SLC8A1: variants seen among roughly 807,000 people sequenced by gnomAD.
SLC8A1 encodes the protein sodium/calcium exchanger 1.
SLC8A1 carries 18 observed loss-of-function variants against 68.3 expected under a neutral mutation model. The ratio of observed to expected loss-of-function variants is 0.26; its 90% CI spans 0.18 to 0.39. The LOEUF (loss-of-function observed/expected upper bound fraction) is 0.39, where lower values mean the gene tolerates loss of function less well. SLC8A1 is among the 10% of genes least tolerant of loss of function. The pLI is 1.00. For synonymous variants in SLC8A1, 475 were observed against 415.5 expected, an observed-to-expected ratio of 1.14 and a Z score of -1.74; for missense variants, 985 against 1,156.7, an observed-to-expected ratio of 0.85 and a Z score of 2.15.
intron 2 of SLC8A1, among the ~76,000 whole-genome samples, chr2:40,373,201 A>T (rs1480243746): frequency 6.6e-6 from 1 of 152,150 alleles, no homozygotes; most frequent in African/African-American, 2.4e-5. Context: ...GGCTTACAAA[A>T]GAGTGAATGT....
chr2:40,380,485 T>A (rs1481229270), intron 2 of SLC8A1, among the ~76,000 whole-genome samples: 1 of 147,830 alleles, frequency 6.8e-6, no homozygotes, highest in Non-Finnish European at 1.5e-5. Context: ...TTTTATCTCA[T>A]TTTTTTTTAA....
At chr2:40,168,522 T>C (rs1363368108) in intron 4 of SLC8A1, among the ~76,000 whole-genome samples, 1 of 152,232 alleles carries the variant, frequency 6.6e-6, no homozygotes, top group Non-Finnish European at 1.5e-5. Context: ...GTTATACTGA[T>C]AAATTCACAT....
At chr2:40,168,881 C>T (rs7558787) in intron 4 of SLC8A1, among the ~76,000 whole-genome samples, 67,703 of 152,060 alleles carry the variant, frequency 0.45, 17,727 homozygotes, top group Non-Finnish European at 0.6. Flanking sequence ...TACATAACAT[C>T]ATAGTCTTAA....
intron 1 of SLC8A1, among the ~76,000 whole-genome samples, chr2:40,437,217 C>T (rs1699600971): frequency 6.6e-6 from 1 of 152,088 alleles, no homozygotes; most frequent in African/African-American, 2.4e-5. Context: ...ATTTTCACGA[C>T]AATAAGTTAA....
intron 2 of SLC8A1, among the ~76,000 whole-genome samples, chr2:40,325,861 A>G (rs182846362): frequency 6.6e-6 from 1 of 150,680 alleles, no homozygotes; most frequent in East Asian, 2.0e-4. Context: ...CTGATATTCG[A>G]TATTTCTTTA....
intron 2 of SLC8A1, among the ~76,000 whole-genome samples, chr2:40,227,381 T>A (rs1476628668): frequency 6.6e-6 from 1 of 152,030 alleles, no homozygotes; most frequent in African/African-American, 2.4e-5. Context: ...CTTTATACCC[T>A]AGTCATAGCA....
At chr2:40,403,909 GC>G (rs1296434326) in intron 2 of SLC8A1, among the ~76,000 whole-genome samples, 1 of 152,004 alleles carries the variant, frequency 6.6e-6, no homozygotes, top group Non-Finnish European at 1.5e-5. Flanking sequence ...TAAGTAAAAA[GC>G]TTTTTTTCTG....
intron 7 of SLC8A1, among the ~76,000 whole-genome samples, chr2:40,134,874 A>C (rs1381208285): frequency 6.6e-6 from 1 of 152,144 alleles, no homozygotes; most frequent in African/African-American, 2.4e-5. Context: ...ACATTCAAAA[A>C]TAAGTAAACT....
chr2:40,215,792 A>T (rs925827219), intron 2 of SLC8A1, among the ~76,000 whole-genome samples: 1 of 151,826 alleles, frequency 6.6e-6, no homozygotes, highest in Admixed American at 6.6e-5. Flanking sequence ...TGCTTGGCCT[A>T]TGTTAGCTAC....
intron 6 of SLC8A1, among the ~76,000 whole-genome samples, chr2:40,145,444 C>T (rs923645285): frequency 2.6e-5 from 4 of 152,152 alleles, no homozygotes; most frequent in Admixed American, 1.3e-4. Context: ...GTATGTAAAG[C>T]GGTCTGGAAA....
intron 7 of SLC8A1, 24 bp from the exon 11 acceptor site, chr2:40,115,653 A>G: frequency 6.3e-7 from 1 of 1,588,626 alleles, no homozygotes; most frequent in Non-Finnish European, 8.5e-7. Context: ...AGAGAAAGTC[A>G]ATGACACTCA....
intron 2 of SLC8A1, among the ~76,000 whole-genome samples, chr2:40,332,953 C>A (rs547154750): frequency 6.6e-6 from 1 of 152,184 alleles, no homozygotes; most frequent in Non-Finnish European, 1.5e-5. Context: ...ATTAGCTAGA[C>A]TATTTTCCTT....
rs1486934943 is a variant in SLC8A1 at position 40,333,392 on chromosome 2, C to T, written c.1808+95081G>A. On this transcript the variant is annotated intron_variant, in intron 2 of 7. Coordinates refer to ENST00000406785, the Ensembl canonical transcript of SLC8A1. The stretch of plus-strand genomic sequence containing the variant: ...GGTGGAGGTTGCAGTGGGCCGAGAT[C>T]GCACCACTGCACTCCAGCCTGGGCA... Among the ~76,000 whole-genome samples, 8 of 143,086 alleles carry T rather than the reference C, an allele frequency of 5.6e-5. No homozygotes were observed. The South Asian group carries it at 6.5e-4, about 12-fold the overall frequency. 93.9% of individuals were successfully genotyped at this position (143,086 alleles called of 152,430 possible).
chr2:40,169,855 C>T (rs1055239647), intron 4 of SLC8A1, among the ~76,000 whole-genome samples: 2 of 152,142 alleles, frequency 1.3e-5, no homozygotes, highest in African/African-American at 4.8e-5. Context: ...GTGTGAGGAT[C>T]CCTTGGGCTC....
intron 2 of SLC8A1, among the ~76,000 whole-genome samples, chr2:40,382,332 T>C (rs1559464727): frequency 6.6e-6 from 1 of 152,122 alleles, no homozygotes; most frequent in South Asian, 2.1e-4. Context: ...AGTGAGTACA[T>C]ACACCTAGTA....
chr2:40,303,127 A>T (rs942330482), intron 2 of SLC8A1, among the ~76,000 whole-genome samples: 3 of 152,214 alleles, frequency 2.0e-5, no homozygotes, highest in African/African-American at 7.2e-5. Context: ...CATTTTGGAT[A>T]AGTGATGATT....
At chr2:40,331,106 T>G (rs1432324275) in intron 2 of SLC8A1, among the ~76,000 whole-genome samples, 1 of 152,226 alleles carries the variant, frequency 6.6e-6, no homozygotes, top group Non-Finnish European at 1.5e-5. Context: ...AAGCCTCTGA[T>G]TCCTACCTAG....
chr2:40,463,393 T>C (rs370591533), intron 1 of SLC8A1, among the ~76,000 whole-genome samples: 7 of 152,166 alleles, frequency 4.6e-5, no homozygotes, highest in South Asian at 2.1e-4. Flanking sequence ...TCGGAATTAA[T>C]TTTTTGCTTT....
intron 1 of SLC8A1, among the ~76,000 whole-genome samples, chr2:40,436,228 G>A (rs1001068478): frequency 3.3e-5 from 5 of 152,086 alleles, no homozygotes; most frequent in African/African-American, 1.2e-4. Flanking sequence ...GCACTTAGAA[G>A]ATGCACAACA....
Sources: gnomAD v4.1 joint callset for allele counts (sites outside exome capture counted in the v4.1 genomes callset) on GRCh38, gnomAD v4.1.1 for gene constraint, MANE v1.5 for transcripts, NCBI Gene and HGNC (gene_info 2026-07-23, HGNC 2026-07-21) for gene names.